The following CADPS2 variants were observed in gnomAD, a reference collection of about 807,000 sequenced individuals.
CADPS2 encodes the protein calcium-dependent secretion activator 2.
A neutral mutation model predicts 172.5 loss-of-function variants in CADPS2; 93 were observed. The ratio of observed to expected loss-of-function variants is 0.54; its 90% confidence interval spans 0.46 to 0.64. CADPS2 has a LOEUF of 0.64. Among genes scored for constraint, CADPS2 ranks in the 30% least tolerant of loss-of-function variants. The pLI, the probability that CADPS2 is intolerant of heterozygous loss-of-function variation, is 0.00. For synonymous variants in CADPS2, 546 were observed against 555.2 expected (o/e 0.98, Z 0.23); for missense variants, 1,420 against 1,565.9 (o/e 0.91, Z 1.57).
intron 7 of CADPS2, among the ~76,000 whole-genome samples, chr7:122,572,627 G>A (rs2067423124): frequency 6.6e-6 from 1 of 152,100 alleles, no homozygotes. Context: ...CACTGTGAAA[G>A]ACTCAATGGA....
At chr7:122,879,236 CA>C (rs34464177) in intron 1 of CADPS2, among the ~76,000 whole-genome samples, 23,637 of 80,896 alleles carry the variant, frequency 0.29, 2,027 homozygotes, top group African/African-American at 0.34. Context: ...TACTCTGCCT[CA>C]AAAAAAAAAA....
intron 1 of CADPS2, among the ~76,000 whole-genome samples, chr7:122,827,057 A>G (rs1012398331): frequency 6.6e-6 from 1 of 152,196 alleles, no homozygotes; most frequent in African/African-American, 2.4e-5. Flanking sequence ...GACAATAATA[A>G]GAAGACACAA....
chr7:122,802,708 T>C (rs888411692), intron 1 of CADPS2, among the ~76,000 whole-genome samples: 6 of 152,242 alleles, frequency 3.9e-5, no homozygotes, highest in East Asian at 3.9e-4. Flanking sequence ...CATGAGCTTA[T>C]TGTTCTTAAA....
chr7:122,659,478 T>A (rs2080268613), intron 3 of CADPS2, among the ~76,000 whole-genome samples: 1 of 151,852 alleles, frequency 6.6e-6, no homozygotes, highest in Non-Finnish European at 1.5e-5. Context: ...AGAACGGACA[T>A]CCCAGGACTG....
intron 17 of CADPS2, among the ~76,000 whole-genome samples, chr7:122,430,366 G>T (rs114641382): frequency 5.3e-5 from 8 of 152,124 alleles, no homozygotes; most frequent in Non-Finnish European, 1.0e-4. Flanking sequence ...GAAACAGTAG[G>T]AACTGTTATC....
At chr7:122,515,785 T>C (rs76948438) in intron 8 of CADPS2, among the ~76,000 whole-genome samples, 1 of 150,926 alleles carries the variant, frequency 6.6e-6, no homozygotes, top group Non-Finnish European at 1.5e-5. Context: ...ACCTGCACAA[T>C]GTGCACATGT....
chr7:122,439,778 C>T (rs545498967), intron 16 of CADPS2, among the ~76,000 whole-genome samples: 14 of 152,142 alleles, frequency 9.2e-5, no homozygotes, highest in Non-Finnish European at 2.1e-4. Flanking sequence ...AATATACATG[C>T]ACCATTAAAT....
At chr7:122,688,732 G>A (rs1313619723) in intron 2 of CADPS2, among the ~76,000 whole-genome samples, 2 of 151,044 alleles carry the variant, frequency 1.3e-5, no homozygotes, top group East Asian at 4.0e-4. Flanking sequence ...GCCAAATGAT[G>A]AGCCTTCCCA....
At chr7:122,823,474 T>C (rs1231421825) in intron 1 of CADPS2, among the ~76,000 whole-genome samples, 1 of 152,092 alleles carries the variant, frequency 6.6e-6, no homozygotes, top group Non-Finnish European at 1.5e-5. Flanking sequence ...GTATTGGCTA[T>C]GAAATGCCTC....
At chr7:122,740,125 C>G (rs887420950) in intron 1 of CADPS2, among the ~76,000 whole-genome samples, 4 of 152,132 alleles carry the variant, frequency 2.6e-5, no homozygotes, top group African/African-American at 7.2e-5. Flanking sequence ...TCATTCTTTG[C>G]TACTGGGAAA....
At chr7:122,735,470 C>T (rs1359698874) in intron 2 of CADPS2, among the ~76,000 whole-genome samples, 1 of 152,094 alleles carries the variant, frequency 6.6e-6, no homozygotes, top group African/African-American at 2.4e-5. Flanking sequence ...ACTGGAGTTA[C>T]AATATTTTTA....
chr7:122,740,751 A>T (rs923401894), intron 1 of CADPS2, among the ~76,000 whole-genome samples: 7 of 152,188 alleles, frequency 4.6e-5, no homozygotes, highest in African/African-American at 1.7e-4. Flanking sequence ...AGAAAAAAAA[A>T]TACTTGCAAC....
chr7:122,659,260 T>A (rs1588193217), intron 3 of CADPS2, among the ~76,000 whole-genome samples: 1 of 89,838 alleles, frequency 1.1e-5, no homozygotes. Context: ...CAATGCATAA[T>A]AAAAGCAGGA....
At chr7:122,671,850 G>A (rs968321097) in intron 2 of CADPS2, among the ~76,000 whole-genome samples, 1 of 152,088 alleles carries the variant, frequency 6.6e-6, no homozygotes, top group Non-Finnish European at 1.5e-5. Flanking sequence ...GCAAAACTAG[G>A]GCAGACTTTA....
At position 122,663,312 on chromosome 7, in the gene CADPS2, T is replaced by G; in HGVS notation, c.711A>C (p.Glu237Asp). 6.2e-7 allele frequency: 1 copy of G among 1,613,952 alleles called. No individual in the cohort carries two copies. The highest frequency in any genetic ancestry group is 8.5e-7 in the Non-Finnish European group (1 of 1,179,876). ...SAVSELILSK[E>D]QLYEMFQQIL... is the part of the protein sequence containing the mutation. The stretch of plus-strand genomic sequence containing the variant: ...TCTGCTGAAACATTTCATAGAGTTG[T>G]TCCTTGCTCAGAATAAGTTCAGACA... The change falls in exon 3 of 30, where the codon GAA (glutamate) becomes GAC (aspartate). Residue 237 changes from glutamate (E) to aspartate (D), a missense_variant. Physicochemically the swap from Glu to Asp is conservative, Grantham distance 45. Transcript: ENST00000449022.
At chr7:122,867,584 A>C (rs768416966) in intron 1 of CADPS2, among the ~76,000 whole-genome samples, 1 of 152,182 alleles carries the variant, frequency 6.6e-6, no homozygotes, top group Non-Finnish European at 1.5e-5. Flanking sequence ...AATGGCAGGG[A>C]GAGGGCATCA....
At chr7:122,693,887 T>C (rs1430262515) in intron 2 of CADPS2, among the ~76,000 whole-genome samples, 1 of 152,052 alleles carries the variant, frequency 6.6e-6, no homozygotes, top group African/African-American at 2.4e-5. Flanking sequence ...TCACTTCAAC[T>C]TAGAAGGAGG....
chr7:122,507,075 C>A (rs1287276822), intron 9 of CADPS2, among the ~76,000 whole-genome samples: 3 of 151,686 alleles, frequency 2.0e-5, no homozygotes, highest in East Asian at 3.9e-4. Context: ...GAGATAACAA[C>A]AAAAATAATA....
rs533696225 is a variant in CADPS2, at chr7:122,801,751, G to A, written c.340-64683C>T. Among the ~76,000 whole-genome samples, 791 of 149,204 alleles carry A rather than the reference G, an allele frequency of 5.3e-3. 5 individuals are homozygous for A. Among genetic ancestry groups the A allele is most frequent in the Non-Finnish European group, 9.9e-3 (674 of 67,748 alleles). On this transcript the variant is annotated intron_variant, in intron 1 of 29. Transcript: ENST00000449022. ...AACTACATGAAAATGAAAAAGCCAA[G>A]AGAATCTTTTTTTTTAATTTTTATT...
Sources: gnomAD v4.1 joint callset for allele counts (sites outside exome capture counted in the v4.1 genomes callset) on GRCh38, gnomAD v4.1.1 for gene constraint, MANE v1.5 for transcripts, NCBI Gene and HGNC (gene_info 2026-07-23, HGNC 2026-07-21) for gene names.